Variants in ADAM9 observed in about 807,000 individuals in gnomAD.
ADAM9 encodes the protein ADAM metallopeptidase domain 9, also known as disintegrin and metalloproteinase domain-containing protein 9.
ADAM9 carries 54 observed loss-of-function variants against 108.1 expected under a neutral mutation model. That is an observed-to-expected ratio of 0.50 (90% CI 0.40 to 0.63). The LOEUF is 0.63. Among genes scored for constraint, ADAM9 ranks in the 20% least tolerant of loss-of-function variants. The probability of loss-of-function intolerance (pLI) is 0.00; values close to 1 mark genes in which losing one functional copy is unlikely to be tolerated. For synonymous variants in ADAM9, 316 were observed against 336.0 expected, an observed-to-expected ratio of 0.94 and a Z score of 0.65; for missense variants, 830 against 997.7, an observed-to-expected ratio of 0.83 and a Z score of 2.26.
intron 11 of ADAM9, among the ~76,000 whole-genome samples, chr8:39,028,158 T>G (rs1442992473): frequency 1.3e-5 from 2 of 152,076 alleles, no homozygotes. Flanking sequence ...ACTTCCCACC[T>G]CCCTCAGGCT....
In ADAM9 at chr8:39,057,068, A is replaced by G. The variant is rs575705817; in HGVS notation, c.1591+1296A>G. Among the ~76,000 whole-genome samples, 132 of 152,262 alleles carry G rather than the reference A, an allele frequency of 8.7e-4. 1 individual carries two copies. Among genetic ancestry groups the G allele is most frequent in the African/African-American group, 3.0e-3 (125 of 41,570 alleles). ...CTTTTCTATGTTTAGATACGTTTAG[A>G]TGCCATTGTGTTACCATTGCCTACA... On this transcript the variant is annotated intron_variant, in intron 14 of 21. Coordinates refer to ENST00000487273, the MANE Select transcript of ADAM9 (RefSeq NM_003816.3).
In ADAM9 at chr8:39,023,041, A is replaced by T. The variant is rs538023314; in HGVS notation, c.745-115A>T. 223 of 930,654 alleles carry T rather than the reference A, an allele frequency of 2.4e-4. No individual in the cohort carries two copies. The African/African-American group carries it at 3.3e-3, about 14-fold the overall frequency. The allele number at this position is 930,654 out of a possible 1,614,324, so 57.6% of individuals were successfully genotyped here. On this transcript the variant is annotated intron_variant, in intron 8 of 21. Transcript: ENST00000487273. Reference sequence around the variant, plus strand: ...AGTCTCATTGTATTAAAGGAAAGATAGTTTTTTTTAGGCAGGGGAGTTTTA... The same window carrying T: ...AGTCTCATTGTATTAAAGGAAAGATTGTTTTTTTTAGGCAGGGGAGTTTTA...
At chr8:39,079,881 G>A (rs528314044) in intron 16 of ADAM9, among the ~76,000 whole-genome samples, 6 of 152,256 alleles carry the variant, frequency 3.9e-5, no homozygotes, top group East Asian at 1.9e-4. Context: ...CATGGCATCC[G>A]GCCTTAAAAT....
intron 19 of ADAM9, 101 bp downstream of exon 19, chr8:39,090,289 C>T (rs1437947264): frequency 2.3e-5 from 24 of 1,028,872 alleles, no homozygotes; most frequent in Non-Finnish European, 2.8e-5. Flanking sequence ...CCCCCTGCCT[C>T]AGCCTTCCAA....
rs1456168714 is a variant in ADAM9, at chr8:39,103,613, T to C, written c.2373T>C (p.Pro791=). The C allele has an allele frequency of 6.2e-7, 1 of 1,614,050 alleles. No homozygotes were observed. Among genetic ancestry groups the C allele is most frequent in the Non-Finnish European group, 8.5e-7 (1 of 1,179,960 alleles). Residue 791 remains proline, a synonymous_variant, in exon 22 of 22, where the codon CCT becomes CCC. Coordinates refer to ENST00000487273, the MANE Select transcript of ADAM9 (RefSeq NM_003816.3). ...KQPQQFPSRP[P]PPQPKVSSQG... ...ATCTCTTTTCCCCTCGCAGGCCACC[T>C]CCACCACAACCGAAAGTATCATCTC...
chr8:39,037,050 C>CTTTT (rs58876607), intron 11 of ADAM9, among the ~76,000 whole-genome samples: 15 of 78,616 alleles, frequency 1.9e-4, no homozygotes, highest in African/African-American at 3.2e-4. Flanking sequence ...TGCGCAAGTT[C>CTTTT]TTTTTTTTTT....
intron 15 of ADAM9, among the ~76,000 whole-genome samples, chr8:39,074,945 C>T (rs986442186): frequency 8.7e-5 from 12 of 138,268 alleles, no homozygotes; most frequent in African/African-American, 2.7e-4. Flanking sequence ...CTCACTCTCT[C>T]GCTCAGGCTG....
intron 11 of ADAM9, among the ~76,000 whole-genome samples, chr8:39,041,185 G>A (rs1837445854): frequency 6.6e-6 from 1 of 151,994 alleles, no homozygotes; most frequent in South Asian, 2.1e-4. Context: ...AATAGCCAGT[G>A]GGACTACCTG....
Position 39,090,155 on chromosome 8 carries a change from G to A in ADAM9, c.2177G>A (p.Ser726Asn). The change falls in exon 19 of 22, where the codon AGC becomes AAC. Residue 726 changes from serine (S) to asparagine (N), a missense_variant. Coordinates refer to ENST00000487273, the MANE Select transcript of ADAM9 (RefSeq NM_003816.3). ...ATCAAGAGGGATCAACTGTGGAGAA[G>A]CTACTTCAGAAAGAAGAGATCACAA... ...IFIKRDQLWRSYFRKKRSQTY... is the reference protein window; with the variant it reads ...IFIKRDQLWRNYFRKKRSQTY... 6.2e-7 allele frequency: 1 copy of A among 1,613,812 alleles called. No homozygotes were observed. The highest frequency in any genetic ancestry group is 1.3e-5 in the African/African-American group (1 of 75,004).
intron 5 of ADAM9, among the ~76,000 whole-genome samples, chr8:39,016,704 C>T (rs1046703672): frequency 6.6e-6 from 1 of 152,210 alleles, no homozygotes; most frequent in East Asian, 1.9e-4. Flanking sequence ...TGAACTAAAA[C>T]ATATTAGTTC....
At chr8:39,099,011 T>C (rs1258220583) in intron 20 of ADAM9, among the ~76,000 whole-genome samples, 1 of 152,172 alleles carries the variant, frequency 6.6e-6, no homozygotes, top group Non-Finnish European at 1.5e-5. Context: ...CCCCAAACTC[T>C]TATGAGGATG....
At chr8:39,102,974 A>G (rs554199241) in intron 21 of ADAM9, among the ~76,000 whole-genome samples, 18 of 152,364 alleles carry the variant, frequency 1.2e-4, no homozygotes, top group African/African-American at 4.3e-4. Context: ...TTCATATGTA[A>G]TCTTTATTAT....
chr8:39,039,860 G>A (rs931964934), intron 11 of ADAM9, among the ~76,000 whole-genome samples: 24 of 152,180 alleles, frequency 1.6e-4, no homozygotes, highest in African/African-American at 5.8e-4. Context: ...TCTTTATGAG[G>A]TGGTGTTTTC....
chr8:39,012,485 A>T (rs1836386442), intron 3 of ADAM9, among the ~76,000 whole-genome samples: 1 of 152,226 alleles, frequency 6.6e-6, no homozygotes, highest in Non-Finnish European at 1.5e-5. Context: ...TGCTATAAAG[A>T]CACATGCACA....
chr8:39,004,876 C>T (rs189311798), intron 1 of ADAM9, among the ~76,000 whole-genome samples: 153 of 152,280 alleles, frequency 1.0e-3, no homozygotes, highest in Non-Finnish European at 1.3e-3. Flanking sequence ...TCACTTTCCT[C>T]GCAGTCTTGG....
At chr8:39,087,791 G>T (rs756294888) in intron 18 of ADAM9, among the ~76,000 whole-genome samples, 6 of 152,154 alleles carry the variant, frequency 3.9e-5, no homozygotes, top group Non-Finnish European at 8.8e-5. Flanking sequence ...TTTTTATACA[G>T]TTGACCGTTG....
intron 6 of ADAM9, 83 bp from the exon 7 acceptor site, chr8:39,018,770 C>A: frequency 8.5e-7 from 1 of 1,169,948 alleles, no homozygotes; most frequent in Non-Finnish European, 1.3e-6. Context: ...TCTTAGCAGA[C>A]ATGAAATAAG....
intron 16 of ADAM9, among the ~76,000 whole-genome samples, chr8:39,079,845 A>G (rs1446147182): frequency 6.6e-6 from 1 of 152,212 alleles, no homozygotes; most frequent in Non-Finnish European, 1.5e-5. Flanking sequence ...TTGGCCTCCA[A>G]AAGTGTTGGG....
At chr8:39,091,383 A>G in intron 20 of ADAM9, 37 bp downstream of exon 20, 1 of 1,552,208 alleles carries the variant, frequency 6.4e-7, no homozygotes, top group South Asian at 1.1e-5. Flanking sequence ...TCTTTACTGT[A>G]TTAAAGGATC....
Sources: gnomAD v4.1 joint callset for allele counts (sites outside exome capture counted in the v4.1 genomes callset) on GRCh38, gnomAD v4.1.1 for gene constraint, MANE v1.5 for transcripts, NCBI Gene and HGNC (gene_info 2026-07-23, HGNC 2026-07-21) for gene names.